Variants in SMURF1 observed in about 807,000 individuals in gnomAD.
The protein encoded by SMURF1 is E3 ubiquitin-protein ligase SMURF1.
SMURF1 carries 44 observed loss-of-function variants against 98.0 expected under a neutral mutation model. The ratio of observed to expected loss-of-function variants is 0.45; its 90% CI spans 0.35 to 0.58. The LOEUF (loss-of-function observed/expected upper bound fraction) is 0.58. Ranked by LOEUF, SMURF1 falls within the 20% of genes least tolerant of loss-of-function variation. The pLI is 0.00. For missense variants in SMURF1, 687 were observed against 938.4 expected, an observed-to-expected ratio of 0.73 and a Z score of 3.50; for synonymous variants, 396 against 374.9, an observed-to-expected ratio of 1.06 and a Z score of -0.65.
intron 5 of SMURF1, among the ~76,000 whole-genome samples, chr7:99,056,848 C>A (rs1365087976): frequency 6.6e-6 from 1 of 151,714 alleles, no homozygotes; most frequent in Non-Finnish European, 1.5e-5. Flanking sequence ...ACTAAAAATA[C>A]AAAAATTAGC....
intron 1 of SMURF1, among the ~76,000 whole-genome samples, chr7:99,083,900 T>C (rs1796623369): frequency 6.6e-6 from 1 of 152,258 alleles, no homozygotes; most frequent in African/African-American, 2.4e-5. Flanking sequence ...TCAGCTAGAA[T>C]GTGGGCTCCA....
intron 1 of SMURF1, among the ~76,000 whole-genome samples, chr7:99,068,996 C>A (rs559492189): frequency 6.6e-6 from 1 of 152,162 alleles, no homozygotes; most frequent in South Asian, 2.1e-4. Context: ...AAAATAAGGA[C>A]AATGTAAGCG....
In SMURF1 at chr7:99,144,028, T is replaced by TCCG. The variant is rs1354137623; in HGVS notation, c.-251_-249dup. On this transcript the variant is annotated 5_prime_UTR_variant, in exon 1 of 18. Coordinates refer to ENST00000361368, the MANE Select transcript of SMURF1 (RefSeq NM_181349.3). ...AGCCCAGTCCCGAGCCGCCGCCGCC[T>TCCG]CCGCCGCCGCCTCCGCCGCCTCCAC... 4.6e-5 allele frequency: 7 copies of TCCG among 153,112 alleles called. No homozygotes were observed. Among genetic ancestry groups the TCCG allele is most frequent in the East Asian group, 1.7e-4 (2 of 11,830 alleles). 9.5% of individuals were successfully genotyped at this position (153,112 alleles called of 1,614,324 possible).
At chr7:99,141,774 A>G (rs554263583) in intron 1 of SMURF1, among the ~76,000 whole-genome samples, 1 of 152,326 alleles carries the variant, frequency 6.6e-6, no homozygotes, top group South Asian at 2.1e-4. Flanking sequence ...CATGGATTTT[A>G]CCGATGACTT....
At chr7:99,052,060 G>A in intron 7 of SMURF1, 145 bp downstream of exon 7, 2 of 1,104,088 alleles carry the variant, frequency 1.8e-6, no homozygotes, top group Non-Finnish European at 2.5e-6. Context: ...GCTTGAGCTA[G>A]GGAGGTCAAG....
chr7:99,054,542 G>A (rs891922434), intron 6 of SMURF1, among the ~76,000 whole-genome samples: 4 of 151,694 alleles, frequency 2.6e-5, no homozygotes, highest in African/African-American at 7.3e-5. Flanking sequence ...TCCTGACCTC[G>A]TGATCCACCT....
rs752719139 is a variant in SMURF1 at position 99,057,275 on chromosome 7, A to G, written c.338-5T>C. The stretch of plus-strand genomic sequence containing the variant: ...TGCATAGATCCAAACGCTGGTCTGT[A>G]AACAAACAATTCAAAACTTAACCCA... On this transcript the variant is annotated splice_region_variant and splice_polypyrimidine_tract_variant and intron_variant, in intron 4 of 17. Transcript: ENST00000361368. 3 of 1,614,200 alleles carry G rather than the reference A, an allele frequency of 1.9e-6. No individual in the cohort carries two copies. Among genetic ancestry groups the G allele is most frequent in the Admixed American group, 1.7e-5 (1 of 60,006 alleles).
intron 11 of SMURF1, among the ~76,000 whole-genome samples, chr7:99,044,614 A>T (rs903931538): frequency 6.6e-6 from 1 of 152,212 alleles, no homozygotes; most frequent in Non-Finnish European, 1.5e-5. Flanking sequence ...TCCTGTTCTT[A>T]TGCAAATGAG....
chr7:99,117,294 G>GA lies in SMURF1; in HGVS notation c.55+26431dup, dbSNP rs556584465. On this transcript the variant is annotated intron_variant, in intron 1 of 17. Coordinates refer to ENST00000361368, the MANE Select transcript of SMURF1 (RefSeq NM_181349.3). ...TAGAGGTAAATTAGTTATGACTTTGGATTAGGTAATGATTTCTTCAATATG... is the reference window on the plus strand; with the variant it reads ...TAGAGGTAAATTAGTTATGACTTTGGAATTAGGTAATGATTTCTTCAATATG... Among the ~76,000 whole-genome samples, 28 of 152,168 alleles carry GA rather than the reference G, an allele frequency of 1.8e-4. No homozygotes were observed. In the East Asian group the frequency reaches 5.4e-3, roughly 29 times the overall value.
chr7:99,133,869 C>CA (rs1797927620), intron 1 of SMURF1, among the ~76,000 whole-genome samples: 1 of 152,140 alleles, frequency 6.6e-6, no homozygotes, highest in South Asian at 2.1e-4. Flanking sequence ...ATAAATCTCA[C>CA]AAAAATAACA....
chr7:99,038,238 G>T, intron 14 of SMURF1, 150 bp downstream of exon 14: 1 of 947,720 alleles, frequency 1.1e-6, no homozygotes, highest in Non-Finnish European at 1.5e-6. Flanking sequence ...TGAGCTGTCG[G>T]TTTCTGAAAG....
intron 1 of SMURF1, among the ~76,000 whole-genome samples, chr7:99,063,040 A>C: frequency 6.6e-6 from 1 of 151,442 alleles, no homozygotes; most frequent in East Asian, 1.9e-4. Flanking sequence ...CTGCTTCACA[A>C]ATTGTCCTCA....
At chr7:99,125,297 A>T (rs1477137771) in intron 1 of SMURF1, among the ~76,000 whole-genome samples, 3 of 152,126 alleles carry the variant, frequency 2.0e-5, no homozygotes, top group Non-Finnish European at 2.9e-5. Flanking sequence ...ATGTTGCCCC[A>T]GCTGGTCTTG....
At chr7:99,035,856 C>T (rs1012082675) in intron 15 of SMURF1, 140 bp from the exon 16 acceptor site, 2 of 799,106 alleles carry the variant, frequency 2.5e-6, no homozygotes, top group African/African-American at 1.7e-5. Context: ...GATGTTGAGA[C>T]AGGAAGAAAG....
At chr7:99,092,008 G>C (rs1796824931) in intron 1 of SMURF1, among the ~76,000 whole-genome samples, 1 of 152,148 alleles carries the variant, frequency 6.6e-6, no homozygotes, top group African/African-American at 2.4e-5. Flanking sequence ...TCCCAGATGG[G>C]TGATGGATGG....
At chr7:99,116,040 C>T (rs2395019) in intron 1 of SMURF1, among the ~76,000 whole-genome samples, 109,090 of 152,060 alleles carry the variant, frequency 0.72, 44,312 homozygotes, top group South Asian at 0.92. Context: ...TAATCCTCAA[C>T]GAAATATGCA....
intron 1 of SMURF1, among the ~76,000 whole-genome samples, chr7:99,123,528 T>C (rs1797688253): frequency 6.6e-6 from 1 of 152,154 alleles, no homozygotes; most frequent in African/African-American, 2.4e-5. Context: ...AGAGAGACTC[T>C]GCCTCAAATA....
At chr7:99,037,473 A>G (rs1427185687) in intron 14 of SMURF1, among the ~76,000 whole-genome samples, 2 of 152,174 alleles carry the variant, frequency 1.3e-5, no homozygotes, top group Non-Finnish European at 2.9e-5. Flanking sequence ...TCCTGACCTC[A>G]GGTGATCCGC....
At chr7:99,085,218 T>C (rs1021620418) in intron 1 of SMURF1, among the ~76,000 whole-genome samples, 3 of 151,070 alleles carry the variant, frequency 2.0e-5, no homozygotes, top group Non-Finnish European at 3.0e-5. Flanking sequence ...CTGGGCATGG[T>C]GGTGGGTGCC....
Sources: gnomAD v4.1 joint callset for allele counts (sites outside exome capture counted in the v4.1 genomes callset) on GRCh38, gnomAD v4.1.1 for gene constraint, MANE v1.5 for transcripts, NCBI Gene and HGNC (gene_info 2026-07-23, HGNC 2026-07-21) for gene names.